MARCHF1: variants seen among roughly 807,000 people sequenced by gnomAD.
MARCHF1 encodes the protein membrane associated ring-CH-type finger 1.
Under a neutral mutation model 54.2 loss-of-function variants are expected in MARCHF1, and 40 were observed. The observed-to-expected ratio is 0.74, with a 90% CI of 0.57 to 0.96. MARCHF1 has a LOEUF of 0.96. MARCHF1 is among the 40% of genes least tolerant of loss of function. The pLI, the probability that MARCHF1 is intolerant of heterozygous loss-of-function variation, is 0.00. For missense variants in MARCHF1, 586 were observed against 656.5 expected (o/e 0.89, Z 1.17); for synonymous variants, 236 against 236.3 (o/e 1.00, Z 0.01).
At chr4:163,979,991 T>A (rs1235177062) in intron 3 of MARCHF1, among the ~76,000 whole-genome samples, 1 of 152,118 alleles carries the variant, frequency 6.6e-6, no homozygotes, top group Admixed American at 6.6e-5. Flanking sequence ...ACTAATGACT[T>A]TCTTCACAGA....
At chr4:163,665,031 T>C (rs1261551746) in intron 5 of MARCHF1, among the ~76,000 whole-genome samples, 3 of 152,106 alleles carry the variant, frequency 2.0e-5, no homozygotes, top group Non-Finnish European at 2.9e-5. Context: ...AGGAGGGGTC[T>C]ACCAAGGTAA....
intron 3 of MARCHF1, among the ~76,000 whole-genome samples, chr4:163,909,690 T>G (rs1000388824): frequency 6.6e-6 from 1 of 152,194 alleles, no homozygotes. Context: ...GAGTGAACTC[T>G]GAATAAATTT....
At chr4:164,338,079 A>G (rs1378167621) in intron 1 of MARCHF1, among the ~76,000 whole-genome samples, 1 of 152,236 alleles carries the variant, frequency 6.6e-6, no homozygotes, top group Admixed American at 6.5e-5. Flanking sequence ...TAAAAAATTC[A>G]TGATATTAAG....
At chr4:164,327,103 A>G (rs1487971343) in intron 1 of MARCHF1, among the ~76,000 whole-genome samples, 1 of 152,062 alleles carries the variant, frequency 6.6e-6, no homozygotes, top group Non-Finnish European at 1.5e-5. Context: ...AGTGTCTACT[A>G]TACTCTGGAT....
intron 2 of MARCHF1, among the ~76,000 whole-genome samples, chr4:164,023,823 T>TA (rs1753715951): frequency 6.6e-6 from 1 of 152,038 alleles, no homozygotes. Context: ...AAACCCAATC[T>TA]AAAAAATCCA....
intron 7 of MARCHF1, among the ~76,000 whole-genome samples, chr4:163,610,105 C>T (rs570054494): frequency 6.6e-6 from 1 of 152,068 alleles, no homozygotes; most frequent in Admixed American, 6.6e-5. Flanking sequence ...ACCTCTTCTT[C>T]TTTAGGGGTT....
chr4:163,757,737 C>T (rs1417220446), intron 4 of MARCHF1, among the ~76,000 whole-genome samples: 2 of 152,082 alleles, frequency 1.3e-5, no homozygotes. Flanking sequence ...CCTATCTGAT[C>T]GTAAATTTTT....
chr4:163,533,852 T>C (rs1738442602), intron 9 of MARCHF1, among the ~76,000 whole-genome samples: 2 of 151,830 alleles, frequency 1.3e-5, no homozygotes, highest in African/African-American at 4.8e-5. Flanking sequence ...ATGGAAACTA[T>C]TGCACAAAAA....
intron 4 of MARCHF1, among the ~76,000 whole-genome samples, chr4:163,760,753 C>T (rs999482413): frequency 3.3e-5 from 5 of 152,082 alleles, no homozygotes; most frequent in East Asian, 1.9e-4. Context: ...AAATTCCCTG[C>T]GCTCTTATTT....
chr4:163,653,997 A>T (rs935961097), intron 5 of MARCHF1, among the ~76,000 whole-genome samples: 4 of 151,832 alleles, frequency 2.6e-5, no homozygotes, highest in African/African-American at 9.7e-5. Context: ...CTGATATTAG[A>T]GTTCAGAAAG....
intron 2 of MARCHF1, among the ~76,000 whole-genome samples, chr4:164,051,040 C>T (rs1438630805): frequency 2.6e-5 from 4 of 152,094 alleles, no homozygotes; most frequent in Non-Finnish European, 5.9e-5. Flanking sequence ...CCTCCCTTGC[C>T]CTACTATTTC....
chr4:163,708,182 C>A (rs1225621537), intron 4 of MARCHF1, among the ~76,000 whole-genome samples: 1 of 151,534 alleles, frequency 6.6e-6, no homozygotes, highest in African/African-American at 2.4e-5. Context: ...TGAAGACCAG[C>A]TGGTGGATTC....
intron 3 of MARCHF1, among the ~76,000 whole-genome samples, chr4:163,974,660 T>C (rs1752614228): frequency 6.6e-6 from 1 of 152,182 alleles, no homozygotes; most frequent in Admixed American, 6.5e-5. Context: ...GAAATTATAA[T>C]AGATATATGG....
At chr4:163,630,199 C>T (rs1560984716) in intron 5 of MARCHF1, among the ~76,000 whole-genome samples, 1 of 152,052 alleles carries the variant, frequency 6.6e-6, no homozygotes, top group Non-Finnish European at 1.5e-5. Flanking sequence ...AGATCTTCAA[C>T]AGGTAAATTG....
intron 2 of MARCHF1, among the ~76,000 whole-genome samples, chr4:164,107,475 C>T (rs1454151998): frequency 6.6e-6 from 1 of 152,084 alleles, no homozygotes; most frequent in Admixed American, 6.6e-5. Context: ...GTCCTCTCCC[C>T]ACTCAGCATC....
At chr4:164,296,625 C>T (rs982163309) in intron 1 of MARCHF1, among the ~76,000 whole-genome samples, 11 of 152,108 alleles carry the variant, frequency 7.2e-5, no homozygotes, top group African/African-American at 2.7e-4. Context: ...CCCCCTTGGC[C>T]TCCCAAAGTG....
At chr4:164,011,811 G>A (rs752867376) in intron 2 of MARCHF1, among the ~76,000 whole-genome samples, 1 of 152,178 alleles carries the variant, frequency 6.6e-6, no homozygotes, top group Admixed American at 6.5e-5. Flanking sequence ...CGAGGAAAGA[G>A]GTATTGAAGA....
chr4:163,847,121 A>G (rs1749504787), intron 4 of MARCHF1, among the ~76,000 whole-genome samples: 1 of 152,344 alleles, frequency 6.6e-6, no homozygotes, highest in Non-Finnish European at 1.5e-5. Flanking sequence ...AACAAGAACT[A>G]GAACAAATAA....
chr4:163,943,523 G>A lies in MARCHF1; in HGVS notation c.-39+44978C>T, dbSNP rs1038536970. Among the ~76,000 whole-genome samples the A allele has an allele frequency of 2.2e-4, 33 of 151,914 alleles. 1 individual carries two copies. Among genetic ancestry groups the A allele is most frequent in the Non-Finnish European group, 1.3e-4 (9 of 67,972 alleles). ...GTGCAGCCTTATTTCTGGGCTATAG[G>A]GTTCCATTGGCCTATGTGTATGGTT... On this transcript the variant is annotated intron_variant, in intron 3 of 9. Transcript: ENST00000514618.
Sources: gnomAD v4.1 joint callset for allele counts (sites outside exome capture counted in the v4.1 genomes callset) on GRCh38, gnomAD v4.1.1 for gene constraint, MANE v1.5 for transcripts, NCBI Gene and HGNC (gene_info 2026-07-23, HGNC 2026-07-21) for gene names.